The following GREM2 variants were observed in gnomAD, a reference collection of about 807,000 sequenced individuals.
The protein encoded by GREM2 is gremlin 2, DAN family BMP antagonist.
In GREM2, 11 loss-of-function variants were observed where a neutral mutation model predicts 14.2. That is an observed-to-expected ratio of 0.78 (90% CI 0.49 to 1.28). The LOEUF is 1.28. Ranked by LOEUF, GREM2 falls within the 50% of genes most tolerant of loss-of-function variation. The pLI is 0.00. For missense variants in GREM2, 210 were observed against 218.5 expected (o/e 0.96, Z 0.24); for synonymous variants, 98 against 97.6 (o/e 1.00, Z -0.02).
At chr1:240,527,057 G>A (rs1317209881) in intron 1 of GREM2, among the ~76,000 whole-genome samples, 1 of 152,182 alleles carries the variant, frequency 6.6e-6, no homozygotes, top group Non-Finnish European at 1.5e-5. Context: ...AACAGAAAGA[G>A]CTCATGAGCA....
At chr1:240,516,575 A>G (rs1677961470) in intron 1 of GREM2, among the ~76,000 whole-genome samples, 1 of 152,170 alleles carries the variant, frequency 6.6e-6, no homozygotes, top group Non-Finnish European at 1.5e-5. Context: ...AACTCCTTTC[A>G]TAGGGACTTC....
At chr1:240,530,577 TA>T (rs1413132863) in intron 1 of GREM2, 1 of 152,194 alleles carries the variant, frequency 6.6e-6, no homozygotes. Context: ...GTGCATAAAA[TA>T]TACAATTCAA....
intron 1 of GREM2, among the ~76,000 whole-genome samples, chr1:240,546,937 A>C (rs574348992): frequency 2.5e-4 from 38 of 152,298 alleles, no homozygotes; most frequent in African/African-American, 9.1e-4. Context: ...ATCACATGCA[A>C]ATTCCCAATG....
chr1:240,566,951 T>C (rs1039758258), intron 1 of GREM2, among the ~76,000 whole-genome samples: 10 of 152,170 alleles, frequency 6.6e-5, no homozygotes, highest in African/African-American at 2.2e-4. Flanking sequence ...GGCAGAGCAC[T>C]ACATTGAAAA....
At chr1:240,498,348 T>C (rs1288582736) in intron 1 of GREM2, among the ~76,000 whole-genome samples, 1 of 152,206 alleles carries the variant, frequency 6.6e-6, no homozygotes, top group Non-Finnish European at 1.5e-5. Context: ...TTTCCTTTCC[T>C]ACATCTCATT....
At chr1:240,514,475 A>G (rs1471584270) in intron 1 of GREM2, among the ~76,000 whole-genome samples, 2 of 142,874 alleles carry the variant, frequency 1.4e-5, no homozygotes, top group Non-Finnish European at 3.0e-5. Context: ...GTGAGAGTGA[A>G]ATGTACACAC....
At chr1:240,541,528 G>C (rs1678588081) in intron 1 of GREM2, among the ~76,000 whole-genome samples, 1 of 152,120 alleles carries the variant, frequency 6.6e-6, no homozygotes, top group Non-Finnish European at 1.5e-5. Flanking sequence ...CCTAGAATGT[G>C]ATGATGGGTT....
At chr1:240,534,033 C>A (rs186807514) in intron 1 of GREM2, among the ~76,000 whole-genome samples, 98 of 152,240 alleles carry the variant, frequency 6.4e-4, no homozygotes, top group African/African-American at 2.3e-3. Context: ...TTGAATCAAA[C>A]GTGGAAAATG....
chr1:240,578,844 G>A (rs1345245919), intron 1 of GREM2, among the ~76,000 whole-genome samples: 1 of 151,784 alleles, frequency 6.6e-6, no homozygotes, highest in Admixed American at 6.6e-5. Flanking sequence ...CAAATTTCAA[G>A]ACTCTTCAGT....
At chr1:240,582,998 T>A (rs1395093499) in intron 1 of GREM2, among the ~76,000 whole-genome samples, 1 of 152,194 alleles carries the variant, frequency 6.6e-6, no homozygotes, top group Admixed American at 6.5e-5. Flanking sequence ...CCTCTTGTAT[T>A]TTCTTTCTCC....
chr1:240,547,738 A>T (rs1459901236), intron 1 of GREM2, among the ~76,000 whole-genome samples: 1 of 152,086 alleles, frequency 6.6e-6, no homozygotes, highest in South Asian at 2.1e-4. Flanking sequence ...AAGAATATTA[A>T]TATGGTAGTT....
chr1:240,529,239 CTTTTT>C (rs36061225), intron 1 of GREM2, among the ~76,000 whole-genome samples: 1 of 96,086 alleles, frequency 1.0e-5, no homozygotes, highest in Non-Finnish European at 2.0e-5. Flanking sequence ...AGTGGATAGG[CTTTTT>C]TTTTTTTTTT....
chr1:240,591,179 T>C (rs1185740572), intron 1 of GREM2, among the ~76,000 whole-genome samples: 2 of 152,210 alleles, frequency 1.3e-5, no homozygotes, highest in Non-Finnish European at 2.9e-5. Flanking sequence ...TGCTGTTTTC[T>C]GCCTACAACT....
At chr1:240,497,734 C>T (rs12144941) in intron 1 of GREM2, among the ~76,000 whole-genome samples, 68,250 of 151,046 alleles carry the variant, frequency 0.45, 15,570 homozygotes, top group East Asian at 0.49. Flanking sequence ...TTTCTCATGC[C>T]TCCTTAGTTG....
In GREM2 at chr1:240,546,515, T is replaced by C. The variant is rs1249766129; in HGVS notation, c.-1-53039A>G. On this transcript the variant is annotated intron_variant, in intron 1 of 1. Transcript: ENST00000318160. ...ATCACTCCTCAAGGGCAAGACTTTA[T>C]CATATTATCTCTGCCTCCGCCATGT... Among the ~76,000 whole-genome samples the C allele has an allele frequency of 2.6e-5, 4 of 152,168 alleles. No homozygotes were observed. The East Asian group carries it at 7.7e-4, about 29-fold the overall frequency.
At chr1:240,533,784 T>C (rs1678414313) in intron 1 of GREM2, among the ~76,000 whole-genome samples, 1 of 152,226 alleles carries the variant, frequency 6.6e-6, no homozygotes, top group African/African-American at 2.4e-5. Flanking sequence ...CTCCAGGGTT[T>C]CTGATTTGGC....
At chr1:240,597,071 G>T (rs923625686) in intron 1 of GREM2, among the ~76,000 whole-genome samples, 1 of 152,144 alleles carries the variant, frequency 6.6e-6, no homozygotes, top group African/African-American at 2.4e-5. Flanking sequence ...CTACTGTGGC[G>T]CATTCCCTTC....
intron 1 of GREM2, among the ~76,000 whole-genome samples, chr1:240,571,767 CTTGCCTTA>C (rs1193721641): frequency 2.7e-4 from 41 of 152,296 alleles, no homozygotes; most frequent in African/African-American, 9.4e-4. Flanking sequence ...TATGGTAATT[CTTGCCTTA>C]TGATAAACTT....
intron 1 of GREM2, among the ~76,000 whole-genome samples, chr1:240,578,512 C>T (rs796218452): frequency 2.0e-5 from 3 of 151,456 alleles, no homozygotes; most frequent in African/African-American, 7.3e-5. Context: ...AGGCTGGGCA[C>T]GGTGGCTCAA....
Sources: allele counts gnomAD v4.1 joint callset (sites outside exome capture counted in the v4.1 genomes callset), GRCh38; gene constraint gnomAD v4.1.1; transcripts MANE v1.5; gene names NCBI Gene and HGNC (gene_info 2026-07-23, HGNC 2026-07-21).